RBM45: variants seen among roughly 807,000 people sequenced by gnomAD.
RBM45 encodes the protein RNA binding motif protein 45.
RBM45 carries 39 observed loss-of-function variants against 58.5 expected under a neutral mutation model. The ratio of observed to expected loss-of-function variants is 0.67; its 90% CI spans 0.52 to 0.87. RBM45 has a LOEUF of 0.87. Ranked by LOEUF, RBM45 falls within the 40% of genes least tolerant of loss-of-function variation. The probability of loss-of-function intolerance (pLI) is 0.00; values close to 1 mark genes in which losing one functional copy is unlikely to be tolerated. For missense variants in RBM45, 481 were observed against 581.6 expected, an observed-to-expected ratio of 0.83 and a Z score of 1.78; for synonymous variants, 193 against 203.0, an observed-to-expected ratio of 0.95 and a Z score of 0.42.
Position 178,118,197 on chromosome 2 carries a change from A to G in RBM45, c.550+16A>G. ...TGTGATCGAAGTAAGGATGTGTTTA[A>G]CATTGTTAAAAACTTTTGTAAAAAA... On this transcript the variant is annotated intron_variant, in intron 3 of 9. Coordinates refer to ENST00000286070, the MANE Select transcript of RBM45 (RefSeq NM_152945.4). 1 of 1,579,518 alleles carries G rather than the reference A, an allele frequency of 6.3e-7. No individual in the cohort carries two copies. Among genetic ancestry groups the G allele is most frequent in the South Asian group, 1.2e-5 (1 of 85,188 alleles).
intron 3 of RBM45, among the ~76,000 whole-genome samples, chr2:178,119,717 A>G (rs1032800556): frequency 2.6e-5 from 4 of 152,152 alleles, no homozygotes; most frequent in African/African-American, 7.2e-5. Context: ...GTGCACATAA[A>G]TGCATAATAA....
chr2:178,120,530 T>A (rs1204989162), intron 4 of RBM45, 121 bp downstream of exon 4: 1 of 878,180 alleles, frequency 1.1e-6, no homozygotes, highest in Non-Finnish European at 1.6e-6. Flanking sequence ...AAATCTTAAA[T>A]GTAGTTTTTT....
chr2:178,135,997 A>G (rs1176544734), intron 3 of RBM45, among the ~76,000 whole-genome samples: 5 of 152,258 alleles, frequency 3.3e-5, no homozygotes, highest in Non-Finnish European at 1.5e-5. Context: ...CCAATTCTGC[A>G]TTGGAACATG....
Position 178,123,835 on chromosome 2 carries a change from A to G in RBM45, c.991A>G (p.Arg331Gly), listed in dbSNP as rs576495190. 17 of 1,613,860 alleles carry G rather than the reference A, an allele frequency of 1.1e-5. No individual in the cohort carries two copies. In the East Asian group the frequency reaches 3.1e-4, roughly 30 times the overall value. ...DDGSNATDLL[R>G]KMATQMVAAQ... is the part of the protein sequence containing the mutation. ...ATCAGTTATTTTTTCCAGTCTCCTT[A>G]GAAAAATGGCAACACAGATGGTAGC... Residue 331 changes from arginine to glycine, a missense_variant, in exon 7 of 10, where the codon AGA (arginine) becomes GGA (glycine). Physicochemically the swap from Arg to Gly is moderately radical, Grantham distance 125. Transcript: ENST00000286070.
intron 5 of RBM45, among the ~76,000 whole-genome samples, chr2:178,122,118 T>A (rs960887735): frequency 6.6e-6 from 1 of 152,176 alleles, no homozygotes; most frequent in African/African-American, 2.4e-5. Flanking sequence ...TCCTCGTATG[T>A]AAAATGGGAT....
At chr2:178,123,966 T>C in intron 7 of RBM45, 54 bp downstream of exon 7, 1 of 1,537,696 alleles carries the variant, frequency 6.5e-7, no homozygotes, top group Non-Finnish European at 8.9e-7. Flanking sequence ...ATAAAATAAA[T>C]GTGAAGAGAA....
chr2:178,133,016 G>T (rs1332961776), downstream of RBM45, among the ~76,000 whole-genome samples: 2 of 152,220 alleles, frequency 1.3e-5, no homozygotes, highest in African/African-American at 4.8e-5. Context: ...GGGGTGGTCA[G>T]TGGCATTCAC....
At chr2:178,123,765 C>T in intron 6 of RBM45, 63 bp from the exon 7 acceptor site, 1 of 1,598,032 alleles carries the variant, frequency 6.3e-7, no homozygotes, top group African/African-American at 1.3e-5. Flanking sequence ...TCACACAAAA[C>T]AAGCTACTGT....
intron 8 of RBM45, 48 bp from the exon 9 acceptor site, chr2:178,125,936 A>G (rs753548662): frequency 6.7e-7 from 1 of 1,488,208 alleles, no homozygotes; most frequent in Non-Finnish European, 9.3e-7. Flanking sequence ...AGACCTGAGC[A>G]GTTGTATTTA....
At chr2:178,112,973 C>T (rs1468287791) in intron 1 of RBM45, 127 bp downstream of exon 1, 7 of 1,023,746 alleles carry the variant, frequency 6.8e-6, no homozygotes, top group Non-Finnish European at 9.8e-6. Flanking sequence ...CCAGACAGCA[C>T]CTGGCTTGGG....
At chr2:178,116,606 T>C (rs1302667737) in intron 2 of RBM45, among the ~76,000 whole-genome samples, 1 of 152,204 alleles carries the variant, frequency 6.6e-6, no homozygotes, top group African/African-American at 2.4e-5. Flanking sequence ...GTAATGGTAG[T>C]CTCTCCCTAC....
chr2:178,126,888 C>T (rs1045835348), intron 9 of RBM45, among the ~76,000 whole-genome samples: 3 of 152,142 alleles, frequency 2.0e-5, no homozygotes, highest in African/African-American at 7.2e-5. Flanking sequence ...ATTTATTTGA[C>T]TGTGACAGTG....
intron 5 of RBM45, among the ~76,000 whole-genome samples, chr2:178,122,418 A>C (rs1188694074): frequency 6.6e-6 from 1 of 152,064 alleles, no homozygotes; most frequent in Admixed American, 6.6e-5. Flanking sequence ...CTTCATACAG[A>C]CACCCCCACA....
exon 4 of RBM45, chr2:178,138,035 G>A (rs1472612059): frequency 2.0e-5 from 3 of 152,088 alleles, no homozygotes; most frequent in African/African-American, 7.2e-5. Flanking sequence ...AAAGGGAGAA[G>A]CTAAATTAAT....
At position 178,121,194 on chromosome 2, in the gene RBM45, T is replaced by C; in HGVS notation, c.688T>C (p.Phe230Leu). 6.5e-7 allele frequency: 1 copy of C among 1,546,046 alleles called. No individual in the cohort carries two copies. Among genetic ancestry groups the C allele is most frequent in the Non-Finnish European group, 8.8e-7 (1 of 1,137,842 alleles). ...NMFPFEQQSEFSSFDKNDSRG... is the reference protein window; with the variant it reads ...NMFPFEQQSELSSFDKNDSRG... Reference sequence around the variant, plus strand: ...TATTGTCGGAGAACAACAATCTGAATTTTCAAGTTTTGACAAGAATGATAG... The same window carrying C: ...TATTGTCGGAGAACAACAATCTGAACTTTCAAGTTTTGACAAGAATGATAG... Residue 230 changes from phenylalanine (F) to leucine (L), a missense_variant, in exon 5 of 10, where the codon TTT (phenylalanine) becomes CTT (leucine). Transcript: ENST00000286070.
chr2:178,118,877 A>T (rs1306389957), intron 3 of RBM45, among the ~76,000 whole-genome samples: 1 of 152,194 alleles, frequency 6.6e-6, no homozygotes, highest in Non-Finnish European at 1.5e-5. Flanking sequence ...GATACCCCTA[A>T]GGTACATACC....
At chr2:178,127,367 G>A (rs2087946986) in intron 9 of RBM45, among the ~76,000 whole-genome samples, 2 of 152,154 alleles carry the variant, frequency 1.3e-5, no homozygotes, top group South Asian at 4.1e-4. Flanking sequence ...GAAGTTACTG[G>A]CTTGAAACCT....
chr2:178,123,912 G>A lies in RBM45; in HGVS notation c.1068G>A (p.Met356Ile), dbSNP rs2087891030. 6.2e-7 allele frequency: 1 copy of A among 1,610,722 alleles called. No homozygotes were observed. Among genetic ancestry groups the A allele is most frequent in the African/African-American group, 1.3e-5 (1 of 74,828 alleles). ...ATAACCCAAGTCAGCAACAATTTAT[G>A]GTAAGTAGGTAAGAATTTAACCTTT... is the stretch of plus-strand genomic sequence containing the variant. ...VWNNPSQQQF[M>I]QFGGSSGSQL... The change falls in exon 7 of 10, where the codon ATG (methionine) becomes ATA (isoleucine). Residue 356 changes from methionine to isoleucine, a missense_variant and splice_region_variant. Physicochemically the swap from Met to Ile is conservative, Grantham distance 10. Transcript: ENST00000286070.
downstream of RBM45, among the ~76,000 whole-genome samples, chr2:178,133,113 T>C (rs2153907397): frequency 6.6e-6 from 1 of 152,328 alleles, no homozygotes; most frequent in African/African-American, 2.4e-5. Context: ...AGTTGTTTCC[T>C]AGTCTTTTTA....
Sources: allele counts gnomAD v4.1 joint callset (sites outside exome capture counted in the v4.1 genomes callset), GRCh38; gene constraint gnomAD v4.1.1; transcripts MANE v1.5; gene names NCBI Gene and HGNC (gene_info 2026-07-23, HGNC 2026-07-21).